KIF21A: variants seen among roughly 807,000 people sequenced by gnomAD.
KIF21A encodes kinesin-like protein KIF21A.
In KIF21A, 114 loss-of-function variants were observed where a neutral mutation model predicts 202.9. The observed-to-expected ratio is 0.56, with a 90% CI of 0.48 to 0.66. The LOEUF is 0.66. Among genes scored for constraint, KIF21A ranks in the 30% least tolerant of loss-of-function variants. The pLI is 0.00. For synonymous variants in KIF21A, 667 were observed against 670.8 expected (o/e 0.99, Z 0.09); for missense variants, 1,677 against 1,994.9 (o/e 0.84, Z 3.04).
intron 10 of KIF21A, among the ~76,000 whole-genome samples, chr12:39,353,231 C>A (rs955781091): frequency 6.6e-6 from 1 of 152,096 alleles, no homozygotes; most frequent in African/African-American, 2.4e-5. Context: ...CACTATATTG[C>A]CCAGGCTCGT....
intron 24 of KIF21A, among the ~76,000 whole-genome samples, chr12:39,328,957 T>A (rs892824504): frequency 2.0e-5 from 3 of 152,184 alleles, no homozygotes; most frequent in East Asian, 1.9e-4. Flanking sequence ...CTGCAATATA[T>A]CATAATCTGT....
At chr12:39,366,961 C>G in intron 5 of KIF21A, 69 bp downstream of exon 5, 1 of 1,417,230 alleles carries the variant, frequency 7.1e-7, no homozygotes, top group Non-Finnish European at 1.0e-6. Context: ...CAAATATATT[C>G]TCAGAGAATT....
intron 23 of KIF21A, 72 bp from the exon 24 acceptor site, chr12:39,330,334 C>A: frequency 7.5e-7 from 1 of 1,328,656 alleles, no homozygotes. Context: ...TTAAAAACTC[C>A]CACATAAAAC....
Position 39,304,854 on chromosome 12 carries a change from T to A in KIF21A, c.4527A>T (p.Leu1509=). 1 of 1,599,478 alleles carries A rather than the reference T, an allele frequency of 6.3e-7. No individual in the cohort carries two copies. ...TVDQISSGQD[L]IITGSKDHYI... Reference sequence around the variant, plus strand: ...AATGATCCTTGGAGCCAGTGATGATTAGATCTTGTCCACTGGAAATCTGAT... The same window carrying A: ...AATGATCCTTGGAGCCAGTGATGATAAGATCTTGTCCACTGGAAATCTGAT... Residue 1509 remains leucine (L), a synonymous_variant, in exon 35 of 38, where the codon CTA becomes CTT. Coordinates refer to ENST00000361418, the MANE Select transcript of KIF21A (RefSeq NM_001173464.2).
rs1944033582 is a variant in KIF21A, at chr12:39,311,546, T to C, written c.3967A>G (p.Ile1323Val). The C allele has an allele frequency of 3.1e-6, 5 of 1,612,712 alleles. No individual in the cohort carries two copies. Among genetic ancestry groups the C allele is most frequent in the Non-Finnish European group, 4.2e-6 (5 of 1,179,056 alleles). The change falls in exon 32 of 38, where the codon ATC (isoleucine) becomes GTC (valine). Residue 1323 changes from isoleucine (I) to valine (V), a missense_variant. Transcript: ENST00000361418. ...CCTTTTGAAGCAGGAAATGGGTTGATTATGCCCCTAAGGTGGGGAAAAAAC... is the reference window on the plus strand; with the variant it reads ...CCTTTTGAAGCAGGAAATGGGTTGACTATGCCCCTAAGGTGGGGAAAAAAC... Reference protein sequence around the residue: ...EVHRSSRRGIINPFPASKGIR... With the variant: ...EVHRSSRRGIVNPFPASKGIR...
chr12:39,432,745 G>A (rs1320659869), intron 1 of KIF21A, among the ~76,000 whole-genome samples: 1 of 152,050 alleles, frequency 6.6e-6, no homozygotes, highest in Non-Finnish European at 1.5e-5. Context: ...CAAGTAGCTG[G>A]GATTACAGGT....
intron 34 of KIF21A, among the ~76,000 whole-genome samples, chr12:39,307,063 AT>A (rs891455472): frequency 7.6e-4 from 116 of 152,226 alleles, no homozygotes; most frequent in African/African-American, 2.4e-3. Context: ...TTAATTTATC[AT>A]TTTTTTCTTT....
chr12:39,357,396 A>G lies in KIF21A; in HGVS notation c.1257T>C (p.Asn419=), dbSNP rs1948855040. 1 of 1,614,136 alleles carries G rather than the reference A, an allele frequency of 6.2e-7. No homozygotes were observed. The highest frequency in any genetic ancestry group is 2.2e-5 in the East Asian group (1 of 44,876). The part of the protein sequence containing the change: ...IIDEEGVESI[N]DMFHENAMLQ... ...GCATAGCATTCTCATGAAACATGTC[A>G]TTGATGCTTTCCACACCCTCTTCGT... is the stretch of plus-strand genomic sequence containing the variant. The change falls in exon 9 of 38, where the codon AAT becomes AAC. Residue 419 remains asparagine (N), a synonymous_variant. Coordinates refer to ENST00000361418, the MANE Select transcript of KIF21A (RefSeq NM_001173464.2).
intron 1 of KIF21A, among the ~76,000 whole-genome samples, chr12:39,396,672 T>G (rs1951783451): frequency 6.6e-6 from 1 of 152,088 alleles, no homozygotes; most frequent in Admixed American, 6.6e-5. Context: ...AGAAGAAAAG[T>G]CAAGCCAGGA....
At chr12:39,391,924 G>C (rs2139665670) in intron 1 of KIF21A, among the ~76,000 whole-genome samples, 1 of 152,178 alleles carries the variant, frequency 6.6e-6, no homozygotes, top group South Asian at 2.1e-4. Context: ...ATTTTTAGTA[G>C]AGACGGGGTT....
In KIF21A at chr12:39,435,517, T is replaced by G. The variant is rs551990232; in HGVS notation, c.44+7410A>C. The stretch of plus-strand genomic sequence containing the variant: ...TGACAGGCCTCCATTACAATCAAAA[T>G]GTACTCTGTATTTCCTTCTGAAATG... On this transcript the variant is annotated intron_variant, in intron 1 of 37. Transcript: ENST00000361418. Among the ~76,000 whole-genome samples, 13 of 152,244 alleles carry G rather than the reference T, an allele frequency of 8.5e-5. No individual in the cohort carries two copies. The South Asian group carries it at 2.7e-3, about 32-fold the overall frequency.
Position 39,442,959 on chromosome 12 carries a change from G to A in KIF21A, c.12C>T (p.Ala4=). ...CCACCCGCACGGAGCTCTCGTCCGG[G>A]GCGCCCAACATGCTGGCGGCGGGCA... The part of the protein sequence containing the change: MLG[A]PDESSVRVAV... Residue 4 remains alanine (A), a synonymous_variant, in exon 1 of 38, where the codon GCC becomes GCT. Coordinates refer to ENST00000361418, the MANE Select transcript of KIF21A (RefSeq NM_001173464.2). This position sits in a 1 kb window ranked among gnomAD's most constrained non-coding sequence, Gnocchi z 5.0. The A allele has an allele frequency of 6.6e-7, 1 of 1,522,944 alleles. No individual in the cohort carries two copies. The highest frequency in any genetic ancestry group is 8.8e-7 in the Non-Finnish European group (1 of 1,142,408). The allele number at this position is 1,522,944 out of a possible 1,614,324, so 94.3% of individuals were successfully genotyped here. A position where few individuals can be genotyped will look rare whatever the true frequency, so the allele number is the denominator to read the frequency against.
At chr12:39,431,459 A>G (rs1461928936) in intron 1 of KIF21A, among the ~76,000 whole-genome samples, 3 of 152,204 alleles carry the variant, frequency 2.0e-5, no homozygotes. Flanking sequence ...ATGATCCTAA[A>G]AGCACAGGAA....
intron 1 of KIF21A, among the ~76,000 whole-genome samples, chr12:39,401,521 G>A (rs1019770346): frequency 6.6e-6 from 1 of 152,144 alleles, no homozygotes; most frequent in African/African-American, 2.4e-5. Flanking sequence ...ATTAAAGGGT[G>A]TTCACAATAA....
chr12:39,427,277 C>T (rs781514102), intron 1 of KIF21A, among the ~76,000 whole-genome samples: 9 of 152,162 alleles, frequency 5.9e-5, no homozygotes, highest in Non-Finnish European at 1.0e-4. Flanking sequence ...CTTTAGATAT[C>T]GGAATACTTT....
In KIF21A at chr12:39,416,603, ATATATATATATATGTACATATATATGTG is replaced by A. The variant is rs1566263413; in HGVS notation, c.44+26296_44+26323del. ...AGAGTGAGATCCGCCTTAAATATAC[ATATATATATATATGTACATATATATGTG>A]TATATATATATATGTACATATATAT... On this transcript the variant is annotated intron_variant, in intron 1 of 37. Coordinates refer to ENST00000361418, the MANE Select transcript of KIF21A (RefSeq NM_001173464.2). Among the ~76,000 whole-genome samples, 9 of 64,274 alleles carry A rather than the reference ATATATATATATATGTACATATATATGTG, an allele frequency of 1.4e-4. 1 individual carries two copies. The highest frequency in any genetic ancestry group is 1.4e-3 in the South Asian group (2 of 1,468). 42.2% of individuals were successfully genotyped at this position (64,274 alleles called of 152,430 possible).
chr12:39,423,005 T>C (rs1592684362), intron 1 of KIF21A, among the ~76,000 whole-genome samples: 2 of 152,366 alleles, frequency 1.3e-5, no homozygotes, highest in Non-Finnish European at 2.9e-5. Context: ...GTGAGACTAA[T>C]AATAGTACCA....
In KIF21A at chr12:39,332,910, C is replaced by A. The variant is rs140831269; in HGVS notation, c.2685G>T (p.Pro895=). 8.1e-6 allele frequency: 13 copies of A among 1,613,696 alleles called. No homozygotes were observed. In the East Asian group the frequency reaches 2.7e-4, roughly 33 times the overall value. Residue 895 remains proline, a synonymous_variant, in exon 19 of 38, where the codon CCG becomes CCT. Coordinates refer to ENST00000361418, the MANE Select transcript of KIF21A (RefSeq NM_001173464.2). Reference sequence around the variant, plus strand: ...ATGTAGACCTGTTTCCATTTGTTGCCGGCGTTGGTAAGGCCTGGACTCTCG... The same window carrying A: ...ATGTAGACCTGTTTCCATTTGTTGCAGGCGTTGGTAAGGCCTGGACTCTCG... The part of the protein sequence containing the change: ...PVARVQALPT[P]ATNGNRKKYQ...
chr12:39,342,324 A>G (rs1429006622), intron 12 of KIF21A, among the ~76,000 whole-genome samples, 200 bp from the exon 13 acceptor site: 1 of 152,210 alleles, frequency 6.6e-6, no homozygotes, highest in African/African-American at 2.4e-5. Flanking sequence ...AATGATTTAT[A>G]TCACTGGAGA....
Sources: gnomAD v4.1 joint callset for allele counts (sites outside exome capture counted in the v4.1 genomes callset) on GRCh38, gnomAD v4.1.1 for gene constraint, Gnocchi (gnomAD v3.1) non-coding constraint, MANE v1.5 for transcripts, NCBI Gene and HGNC (gene_info 2026-07-23, HGNC 2026-07-21) for gene names.